FAM135B: variants seen among roughly 807,000 people sequenced by gnomAD.
The protein encoded by FAM135B is family with sequence similarity 135 member B.
FAM135B carries 43 observed loss-of-function variants against 127.7 expected under a neutral mutation model. The observed-to-expected ratio is 0.34, with a 90% CI of 0.26 to 0.43. FAM135B has a LOEUF of 0.43. FAM135B is among the 20% of genes least tolerant of loss of function. The pLI is 1.00. For missense variants in FAM135B, 1,558 were observed against 1,725.6 expected, an observed-to-expected ratio of 0.90 and a Z score of 1.72; for synonymous variants, 670 against 665.1, an observed-to-expected ratio of 1.01 and a Z score of -0.11.
intron 1 of FAM135B, among the ~76,000 whole-genome samples, chr8:138,435,296 C>CA (rs974266694): frequency 8.0e-5 from 12 of 150,942 alleles, no homozygotes; most frequent in South Asian, 2.1e-4. Context: ...GACTCCATCT[C>CA]AAAAAAATAA....
chr8:138,460,857 G>A (rs558888899), intron 1 of FAM135B, among the ~76,000 whole-genome samples: 4 of 152,174 alleles, frequency 2.6e-5, no homozygotes, highest in African/African-American at 4.8e-5. Flanking sequence ...AGCTAAGGAC[G>A]GCAAAGAATA....
intron 1 of FAM135B, among the ~76,000 whole-genome samples, chr8:138,474,646 G>C (rs1814293705): frequency 1.3e-5 from 2 of 152,124 alleles, no homozygotes; most frequent in Non-Finnish European, 2.9e-5. Flanking sequence ...AACTTTATTT[G>C]GGTCTTTGCT....
At chr8:138,328,609 C>A (rs1193849613) in intron 2 of FAM135B, among the ~76,000 whole-genome samples, 1 of 152,100 alleles carries the variant, frequency 6.6e-6, no homozygotes, top group Non-Finnish European at 1.5e-5. Flanking sequence ...ATTTCCTTCC[C>A]AACCATTTAC....
chr8:138,149,561 T>G (rs979203497), intron 13 of FAM135B, among the ~76,000 whole-genome samples: 1 of 152,206 alleles, frequency 6.6e-6, no homozygotes, highest in African/African-American at 2.4e-5. Context: ...AGATGATGGT[T>G]AGGGGACTGG....
At chr8:138,423,343 G>A (rs1027368847) in intron 1 of FAM135B, among the ~76,000 whole-genome samples, 42 of 152,150 alleles carry the variant, frequency 2.8e-4, no homozygotes, top group African/African-American at 7.7e-4. Flanking sequence ...GATATCGGGC[G>A]AAATTCACCC....
chr8:138,311,001 A>ATTTCCTATGGCCTTCAGG, intron 2 of FAM135B, 81 bp from the exon 3 acceptor site: 3 of 1,156,318 alleles, frequency 2.6e-6, no homozygotes, highest in Non-Finnish European at 3.7e-6. Flanking sequence ...ATTAATCCTG[A>ATTTCCTATGGCCTTCAGG]AAGCCATAGG....
chr8:138,164,862 A>T (rs1343041427), intron 12 of FAM135B, among the ~76,000 whole-genome samples: 1 of 152,212 alleles, frequency 6.6e-6, no homozygotes, highest in Non-Finnish European at 1.5e-5. Context: ...TTTCTAAATT[A>T]ACTAAGACCT....
chr8:138,219,960 T>G (rs993275684), intron 7 of FAM135B, among the ~76,000 whole-genome samples: 4 of 152,214 alleles, frequency 2.6e-5, no homozygotes, highest in African/African-American at 9.6e-5. Context: ...ATATATTAAC[T>G]CATTTTTTTC....
intron 11 of FAM135B, among the ~76,000 whole-genome samples, chr8:138,169,374 CTCTTTAAATGTTCTTCTCTGAATATT>C (rs1820224203): frequency 1.3e-5 from 2 of 151,552 alleles, no homozygotes; most frequent in Admixed American, 1.3e-4. Flanking sequence ...GAATATTTAA[CTCTTTAAATGTTCTTCTCTGAATATT>C]TAACTCTTTA....
At chr8:138,453,244 C>T (rs569164643) in intron 1 of FAM135B, among the ~76,000 whole-genome samples, 7 of 152,188 alleles carry the variant, frequency 4.6e-5, no homozygotes, top group Middle Eastern at 3.4e-3. Context: ...CTTTTTTCCC[C>T]GCATTCAGAA....
At chr8:138,446,736 C>T (rs368342808) in intron 1 of FAM135B, among the ~76,000 whole-genome samples, 179 of 151,338 alleles carry the variant, frequency 1.2e-3, no homozygotes, top group African/African-American at 4.0e-3. Flanking sequence ...ATTCAGGACA[C>T]AGGCATGGGC....
chr8:138,233,539 G>C (rs887470996), intron 7 of FAM135B, among the ~76,000 whole-genome samples: 1 of 152,076 alleles, frequency 6.6e-6, no homozygotes, highest in Non-Finnish European at 1.5e-5. Context: ...ACACTTAAAC[G>C]TCAGACCCAA....
chr8:138,151,958 C>A lies in FAM135B; in HGVS notation c.2517G>T (p.Gln839His), dbSNP rs770271569. The change falls in exon 13 of 20, where the codon CAG becomes CAT. Residue 839 changes from glutamine to histidine, a missense_variant. By Grantham distance (24) the Gln-to-His change is conservative (BLOSUM62 0). This residue lies in a region of FAM135B where 923 missense variants were observed against 865.3 expected (regional missense o/e 1.07). Coordinates refer to ENST00000395297, the MANE Select transcript of FAM135B (RefSeq NM_015912.4). ...GGATGTCTATGTATCCGGGGCCCTG[C>A]TGGTTGTCAGCATCTAAAACTATCT... ...LVEIVLDADN[Q>H]QGPGYIDIPK... The A allele has an allele frequency of 2.5e-6, 4 of 1,614,016 alleles. No homozygotes were observed. The highest frequency in any genetic ancestry group is 3.4e-6 in the Non-Finnish European group (4 of 1,180,030).
intron 1 of FAM135B, among the ~76,000 whole-genome samples, chr8:138,376,508 A>G (rs562112422): frequency 5.9e-5 from 9 of 152,202 alleles, no homozygotes; most frequent in African/African-American, 2.2e-4. Context: ...CTTATCTCAA[A>G]AGTTTTCAGT....
Position 138,265,695 on chromosome 8 carries a change from T to TGAC in FAM135B, c.297+5_297+7dup. On this transcript the variant is annotated splice_region_variant and intron_variant, in intron 4 of 19. Transcript: ENST00000395297. ...CTACTTGTGGCTGGTGGTAGATTCA[T>TGAC]GACTTACCCTTTCACCACCCAAGAG... 1 of 1,614,038 alleles carries TGAC rather than the reference T, an allele frequency of 6.2e-7. No individual in the cohort carries two copies. Among genetic ancestry groups the TGAC allele is most frequent in the Non-Finnish European group, 8.5e-7 (1 of 1,179,950 alleles).
At position 138,349,655 on chromosome 8, in the gene FAM135B, GAAT is replaced by G. The variant is rs531285928; in HGVS notation, c.77+18249_77+18251del. ...TGAGAGATAAAATAGATGAATGAAT[GAAT>G]GAGTGAATGAGTGAATGAATGAATA... On this transcript the variant is annotated intron_variant, in intron 2 of 19. Coordinates refer to ENST00000395297, the MANE Select transcript of FAM135B (RefSeq NM_015912.4). 8.9e-3 allele frequency among the ~76,000 whole-genome samples: 1,348 copies of G among 152,094 alleles called. 25 individuals carry two copies. Among genetic ancestry groups the G allele is most frequent in the African/African-American group, 0.031 (1,294 of 41,506 alleles).
chr8:138,206,346 A>ATCATCCC (rs1817595648), intron 7 of FAM135B, among the ~76,000 whole-genome samples: 1 of 81,468 alleles, frequency 1.2e-5, no homozygotes, highest in African/African-American at 4.6e-5. Context: ...CCTACCCACA[A>ATCATCCC]CTCCAGCATC....
At position 138,302,324 on chromosome 8, in the gene FAM135B, C is replaced by T. The variant is rs948121364; in HGVS notation, c.157+8517G>A. On this transcript the variant is annotated intron_variant, in intron 3 of 19. Transcript: ENST00000395297. ...CCCACAAGGCGAGCCCCTCTGAAGC[C>T]TTGTGCTACATCTCTGGATGCATGC... Among the ~76,000 whole-genome samples the T allele has an allele frequency of 2.2e-4, 33 of 152,116 alleles. 1 individual carries two copies. The highest frequency in any genetic ancestry group is 7.5e-4 in the African/African-American group (31 of 41,416).
intron 3 of FAM135B, among the ~76,000 whole-genome samples, chr8:138,276,858 G>A (rs773315828): frequency 1.3e-5 from 2 of 152,180 alleles, no homozygotes; most frequent in South Asian, 2.1e-4. Context: ...GCAGGTCACC[G>A]GCTGCCCTGG....
Sources: gnomAD v4.1 joint callset for allele counts (sites outside exome capture counted in the v4.1 genomes callset) on GRCh38, gnomAD v4.1.1 for gene constraint, gnomAD v4.1.1 regional missense constraint, MANE v1.5 for transcripts, NCBI Gene and HGNC (gene_info 2026-07-23, HGNC 2026-07-21) for gene names.